CXXC5: variants seen among roughly 807,000 people sequenced by gnomAD.
CXXC5 encodes CXXC-type zinc finger protein 5.
CXXC5 carries 2 observed loss-of-function variants against 17.6 expected under a neutral mutation model. That is an observed-to-expected ratio of 0.11 (90% CI 0.05 to 0.36). The LOEUF (loss-of-function observed/expected upper bound fraction) is 0.36. CXXC5 is among the 10% of genes least tolerant of loss of function. The pLI is 1.00. For synonymous variants in CXXC5, 171 were observed against 193.0 expected (o/e 0.89, Z 0.94); for missense variants, 343 against 458.3 (o/e 0.75, Z 2.30).
Position 139,681,430 on chromosome 5 carries a change from C to A in CXXC5, c.907C>A (p.Pro303Thr). The change falls in exon 2 of 3, where the codon CCT (proline) becomes ACT (threonine). Residue 303 changes from proline (P) to threonine (T), a missense_variant. Physicochemically the swap from Pro to Thr is conservative, Grantham distance 38 (BLOSUM62 -1). Coordinates refer to ENST00000302517, the MANE Select transcript of CXXC5 (RefSeq NM_016463.9). ...FRKCEELKKKPSAALEKVMLP... is the reference protein window; with the variant it reads ...FRKCEELKKKTSAALEKVMLP... ...AAAATGTGAGGAACTCAAAAAGAAGCCTTCCGCTGCTCTGGAGGTAACGGC... is the reference window on the plus strand; with the variant it reads ...AAAATGTGAGGAACTCAAAAAGAAGACTTCCGCTGCTCTGGAGGTAACGGC... The A allele has an allele frequency of 6.3e-7, 1 of 1,579,410 alleles. No individual in the cohort carries two copies. The highest frequency in any genetic ancestry group is 8.6e-7 in the Non-Finnish European group (1 of 1,159,058).
chr5:139,680,313 T>A, intron 1 of CXXC5, 51 bp from the exon 2 acceptor site: 2 of 622,218 alleles, frequency 3.2e-6, no homozygotes, highest in Non-Finnish European at 2.7e-6. Context: ...GTGGCGATGT[T>A]GAAGGGGGAG....
rs1308153723 is a variant in CXXC5 at position 139,668,235 on chromosome 5, T to C, written c.-160-12129T>C. Among the ~76,000 whole-genome samples, 2 of 152,048 alleles carry C rather than the reference T, an allele frequency of 1.3e-5. No individual in the cohort carries two copies. Among genetic ancestry groups the C allele is most frequent in the Non-Finnish European group, 2.9e-5 (2 of 68,006 alleles). ...AAGGACAAACTTTGAAAGCCTCTAA[T>C]TGCTGCGCCTGGTGGCACCGTGGAA... is the stretch of plus-strand genomic sequence containing the variant. On this transcript the variant is annotated intron_variant, in intron 1 of 2. Transcript: ENST00000302517. This position sits in a 1 kb window ranked among gnomAD's most constrained non-coding sequence, Gnocchi z 4.1.
intron 1 of CXXC5, among the ~76,000 whole-genome samples, chr5:139,679,392 G>T (rs1057264223): frequency 6.6e-6 from 1 of 152,232 alleles, no homozygotes; most frequent in Admixed American, 6.5e-5. Context: ...GGCAGGGGAC[G>T]GCTGGTCCTC....
rs750754304 is a variant in CXXC5 at position 139,680,672 on chromosome 5, C to G, written c.149C>G (p.Ala50Gly). ...GCTGCCGCCGCACCAGCCTCAGTGG[C>G]AGATGACACACCACCCCCCGAGCGT... is the stretch of plus-strand genomic sequence containing the variant. Reference protein sequence around the residue: ...VVAAAAPASVADDTPPPERRN... With the variant: ...VVAAAAPASVGDDTPPPERRN... Residue 50 changes from alanine to glycine, a missense_variant, in exon 2 of 3, where the codon GCA becomes GGA. This residue lies in a region of CXXC5 where 297 missense variants were observed against 363.4 expected (regional missense o/e 0.82). Coordinates refer to ENST00000302517, the MANE Select transcript of CXXC5 (RefSeq NM_016463.9). The G allele has an allele frequency of 1.9e-6, 3 of 1,613,186 alleles. No homozygotes were observed. The African/African-American group carries it at 4.0e-5, about 22-fold the overall frequency.
chr5:139,650,196 C>G (rs1421366141), intron 1 of CXXC5, among the ~76,000 whole-genome samples: 2 of 152,176 alleles, frequency 1.3e-5, no homozygotes, highest in African/African-American at 4.8e-5. Flanking sequence ...TCGGAAAGAC[C>G]CGCTCCCTGA....
chr5:139,647,436 G>A (rs954475325), upstream of CXXC5: 9 of 152,188 alleles, frequency 5.9e-5, no homozygotes, highest in Admixed American at 3.9e-4. Flanking sequence ...TGCACCATGG[G>A]TACGTGAGGT....
Position 139,680,903 on chromosome 5 carries a change from T to C in CXXC5, c.380T>C (p.Val127Ala). Reference sequence around the variant, plus strand: ...CATGACCTGGCGGCGGCCATGGCGGTGGACAAAAGCAACCCTACCTCAAAG... The same window carrying C: ...CATGACCTGGCGGCGGCCATGGCGGCGGACAAAAGCAACCCTACCTCAAAG... ...NGHDLAAAMA[V>A]DKSNPTSKHK... The change falls in exon 2 of 3, where the codon GTG (valine) becomes GCG (alanine). Residue 127 changes from valine to alanine, a missense_variant. Physicochemically the swap from Val to Ala is moderately conservative, Grantham distance 64. Coordinates refer to ENST00000302517, the MANE Select transcript of CXXC5 (RefSeq NM_016463.9). The C allele has an allele frequency of 6.2e-7, 1 of 1,603,678 alleles. No homozygotes were observed. The highest frequency in any genetic ancestry group is 8.5e-7 in the Non-Finnish European group (1 of 1,179,924).
Position 139,670,634 on chromosome 5 carries a change from A to C in CXXC5, c.-160-9730A>C, listed in dbSNP as rs879399531. On this transcript the variant is annotated intron_variant, in intron 1 of 2. Transcript: ENST00000302517. This position sits in a 1 kb window ranked among gnomAD's most constrained non-coding sequence, Gnocchi z 4.2. ...TGTGTTGACACGTACAGACCAGAAGACTCCACAAACATCCTCTCACCACGT... is the reference window on the plus strand; with the variant it reads ...TGTGTTGACACGTACAGACCAGAAGCCTCCACAAACATCCTCTCACCACGT... Among the ~76,000 whole-genome samples the C allele has an allele frequency of 1.3e-5, 2 of 152,018 alleles. No homozygotes were observed. Among genetic ancestry groups the C allele is most frequent in the Admixed American group, 1.3e-4 (2 of 15,254 alleles).
intron 1 of CXXC5, among the ~76,000 whole-genome samples, chr5:139,660,010 G>C (rs919982010): frequency 6.6e-6 from 1 of 152,168 alleles, no homozygotes; most frequent in Non-Finnish European, 1.5e-5. Flanking sequence ...AATTTGGTGC[G>C]TGTGGGGCTG....
At position 139,658,690 on chromosome 5, in the gene CXXC5, G is replaced by A. The variant is rs1252224475; in HGVS notation, c.-161+9845G>A. On this transcript the variant is annotated intron_variant, in intron 1 of 2. Coordinates refer to ENST00000302517, the MANE Select transcript of CXXC5 (RefSeq NM_016463.9). The surrounding 1 kb of genome is among the most constrained non-coding windows in gnomAD (Gnocchi z 4.1). ...CTGTTGCTTCCAGCAACAGCCGGCA[G>A]GGCCGGGCGGCTTCCCAGCTCCCCC... 3.3e-5 allele frequency among the ~76,000 whole-genome samples: 5 copies of A among 152,224 alleles called. No homozygotes were observed. Among genetic ancestry groups the A allele is most frequent in the Non-Finnish European group, 7.3e-5 (5 of 68,030 alleles).
chr5:139,655,291 C>T (rs1285266876), intron 1 of CXXC5, among the ~76,000 whole-genome samples: 1 of 152,124 alleles, frequency 6.6e-6, no homozygotes, highest in African/African-American at 2.4e-5. Flanking sequence ...AGCCCTCCGC[C>T]TCAGGGTTCC....
intron 1 of CXXC5, among the ~76,000 whole-genome samples, chr5:139,664,147 G>A (rs1755968460): frequency 6.6e-6 from 1 of 152,196 alleles, no homozygotes; most frequent in African/African-American, 2.4e-5. Context: ...GAACCTAAGA[G>A]CATTGGAACT....
At chr5:139,682,442 C>T (rs1211597669) in intron 2 of CXXC5, among the ~76,000 whole-genome samples, 2 of 151,964 alleles carry the variant, frequency 1.3e-5, no homozygotes, top group African/African-American at 2.4e-5. Flanking sequence ...TAGACACGGC[C>T]GCTTGAGAAA....
In CXXC5 at chr5:139,668,358, C is replaced by T. The variant is rs977258757; in HGVS notation, c.-160-12006C>T. Among the ~76,000 whole-genome samples the T allele has an allele frequency of 1.3e-5, 2 of 151,976 alleles. No individual in the cohort carries two copies. The highest frequency in any genetic ancestry group is 6.6e-5 in the Admixed American group (1 of 15,262). ...GCTCAGGGCGCCTCCCGGCTCCCTG[C>T]CGCCTCCCAGCCGGACGCGGACGTG... is the stretch of plus-strand genomic sequence containing the variant. On this transcript the variant is annotated intron_variant, in intron 1 of 2. Coordinates refer to ENST00000302517, the MANE Select transcript of CXXC5 (RefSeq NM_016463.9). The surrounding 1 kb of genome is among the most constrained non-coding windows in gnomAD (Gnocchi z 4.1).
chr5:139,649,944 G>T (rs1423947385), intron 1 of CXXC5, among the ~76,000 whole-genome samples: 1 of 152,018 alleles, frequency 6.6e-6, no homozygotes, highest in East Asian at 1.9e-4. Flanking sequence ...TTTCCGGCGG[G>T]GAGCGCGGGG....
At position 139,674,557 on chromosome 5, in the gene CXXC5, C is replaced by G. The variant is rs551305965; in HGVS notation, c.-160-5807C>G. Among the ~76,000 whole-genome samples, 3 of 152,350 alleles carry G rather than the reference C, an allele frequency of 2.0e-5. No homozygotes were observed. In the South Asian group the frequency reaches 6.2e-4, roughly 32 times the overall value. ...GCAGAATGGCTGCAAGGCTGGTCAG[C>G]CAGCAAGGAATGGCGGGGATGGTGC... On this transcript the variant is annotated intron_variant, in intron 1 of 2. Coordinates refer to ENST00000302517, the MANE Select transcript of CXXC5 (RefSeq NM_016463.9).
rs1757218664 is a variant in CXXC5, at chr5:139,681,291, CAAG to C, written c.775_777del (p.Lys259del). 1.2e-6 allele frequency: 2 copies of C among 1,612,800 alleles called. No individual in the cohort carries two copies. Among genetic ancestry groups the C allele is most frequent in the Non-Finnish European group, 1.7e-6 (2 of 1,179,944 alleles). On this transcript the variant is annotated inframe_deletion, in exon 2 of 3. Transcript: ENST00000302517. The stretch of plus-strand genomic sequence containing the variant: ...AGCTGGCCTCTGCCATCAGCTCCGG[CAAG>C]AAGAAGCGGAAACGCTGCGGCATGT...
chr5:139,678,143 G>A lies in CXXC5; in HGVS notation c.-160-2221G>A, dbSNP rs143799328. 9.0e-3 allele frequency among the ~76,000 whole-genome samples: 1,365 copies of A among 152,320 alleles called. 16 individuals carry two copies. The highest frequency in any genetic ancestry group is 0.017 in the Middle Eastern group (5 of 294). On this transcript the variant is annotated intron_variant, in intron 1 of 2. Coordinates refer to ENST00000302517, the MANE Select transcript of CXXC5 (RefSeq NM_016463.9). The stretch of plus-strand genomic sequence containing the variant: ...CTGCCGGGGTTGTCGTCCAGGGCAG[G>A]GCAGATGAGCTTAGTTGGGCAGGAG...
intron 1 of CXXC5, among the ~76,000 whole-genome samples, chr5:139,662,599 A>C (rs1755883103): frequency 6.6e-6 from 1 of 152,174 alleles, no homozygotes; most frequent in Non-Finnish European, 1.5e-5. Context: ...ATGTGGCTAT[A>C]AGGACTCAGG....
Sources: allele counts gnomAD v4.1 joint callset (sites outside exome capture counted in the v4.1 genomes callset), GRCh38; gene constraint gnomAD v4.1.1; regional missense constraint gnomAD v4.1.1; non-coding constraint Gnocchi (gnomAD v3.1); transcripts MANE v1.5; gene names NCBI Gene and HGNC (gene_info 2026-07-23, HGNC 2026-07-21).